Variants in SNCB observed in about 807,000 individuals in gnomAD.
The protein encoded by SNCB is beta-synuclein.
A neutral mutation model predicts 20.0 loss-of-function variants in SNCB; 8 were observed. The observed-to-expected ratio is 0.40, with a 90% CI of 0.24 to 0.72. The LOEUF is 0.72. Ranked by LOEUF, SNCB falls within the 30% of genes least tolerant of loss-of-function variation. The pLI, the probability that SNCB is intolerant of heterozygous loss-of-function variation, is 0.37. For synonymous variants in SNCB, 56 were observed against 65.4 expected (o/e 0.86, Z 0.69); for missense variants, 125 against 168.0 (o/e 0.74, Z 1.41).
At chr5:176,625,819 C>T (rs1033673804) in intron 4 of SNCB, among the ~76,000 whole-genome samples, 17 of 152,156 alleles carry the variant, frequency 1.1e-4, no homozygotes, top group African/African-American at 3.9e-4. Context: ...CTCTCTCATC[C>T]CTTGGGTGTC....
intron 4 of SNCB, among the ~76,000 whole-genome samples, chr5:176,624,828 C>G (rs1331022821): frequency 1.6e-5 from 2 of 121,972 alleles, no homozygotes; most frequent in Non-Finnish European, 3.5e-5. Flanking sequence ...CAAAAAAAAA[C>G]AAATGGGAAG....
At chr5:176,625,037 A>T (rs1292145736) in intron 4 of SNCB, among the ~76,000 whole-genome samples, 1 of 152,188 alleles carries the variant, frequency 6.6e-6, no homozygotes, top group Non-Finnish European at 1.5e-5. Flanking sequence ...AGGAGCCCCC[A>T]TCCCCATGGA....
intron 4 of SNCB, among the ~76,000 whole-genome samples, chr5:176,624,397 T>C (rs1017187890): frequency 2.0e-5 from 3 of 152,214 alleles, no homozygotes; most frequent in South Asian, 2.1e-4. Flanking sequence ...TGGTGCCACA[T>C]TGGGAAGAGT....
Position 176,620,245 on chromosome 5 carries a change from G to GT in SNCB, c.*565_*566insA. On this transcript the variant is annotated 3_prime_UTR_variant, in exon 6 of 6. Coordinates refer to ENST00000393693, the MANE Select transcript of SNCB (RefSeq NM_003085.5). This position sits in a 1 kb window ranked among gnomAD's most constrained non-coding sequence, Gnocchi z 4.5. ...TAGCTTTATTCATGGACTCTCGGGG[G>GT]CGGCCGGGCCCACCCGCCCGGGACA... 1 of 148,884 alleles carries GT rather than the reference G, an allele frequency of 6.7e-6. No homozygotes were observed. Among genetic ancestry groups the GT allele is most frequent in the Non-Finnish European group, 1.5e-5 (1 of 67,582 alleles). The allele number at this position is 148,884 out of a possible 1,614,324, so 9.2% of individuals were successfully genotyped here. A position where few individuals can be genotyped will look rare whatever the true frequency, so the allele number is the denominator to read the frequency against.
chr5:176,625,102 G>A (rs980055945), intron 4 of SNCB, among the ~76,000 whole-genome samples: 2 of 152,266 alleles, frequency 1.3e-5, no homozygotes, highest in African/African-American at 4.8e-5. Flanking sequence ...GCGAATGCCT[G>A]CACACACATG....
chr5:176,622,387 G>A (rs1759655236), intron 4 of SNCB, among the ~76,000 whole-genome samples: 1 of 152,196 alleles, frequency 6.6e-6, no homozygotes, highest in African/African-American at 2.4e-5. Context: ...CTACTTGGGA[G>A]GCTGAGGCAG....
Position 176,629,032 on chromosome 5 carries a change from G to A in SNCB, c.121+502C>T, listed in dbSNP as rs1238768623. Among the ~76,000 whole-genome samples the A allele has an allele frequency of 6.6e-6, 1 of 152,152 alleles. No individual in the cohort carries two copies. The highest frequency in any genetic ancestry group is 1.5e-5 in the Non-Finnish European group (1 of 68,020). ...GCTGGAGGGAGGCGCCACAAGGGGAGGGGTGGGGCTTCAGAATCTATAAAG... is the reference window on the plus strand; with the variant it reads ...GCTGGAGGGAGGCGCCACAAGGGGAAGGGTGGGGCTTCAGAATCTATAAAG... On this transcript the variant is annotated intron_variant, in intron 2 of 5. Transcript: ENST00000393693. This position sits in a 1 kb window ranked among gnomAD's most constrained non-coding sequence, Gnocchi z 4.1.
chr5:176,629,941 T>A lies in SNCB; in HGVS notation c.-9-278A>T. 1 of 397,616 alleles carries A rather than the reference T, an allele frequency of 2.5e-6. No homozygotes were observed. Among genetic ancestry groups the A allele is most frequent in the Non-Finnish European group, 4.6e-6 (1 of 217,040 alleles). 24.6% of individuals were successfully genotyped at this position (397,616 alleles called of 1,614,324 possible). A position where few individuals can be genotyped will look rare whatever the true frequency, so the allele number is the denominator to read the frequency against. On this transcript the variant is annotated intron_variant, in intron 1 of 5. Coordinates refer to ENST00000393693, the MANE Select transcript of SNCB (RefSeq NM_003085.5). The surrounding 1 kb of genome is among the most constrained non-coding windows in gnomAD (Gnocchi z 4.1). ...AGCCCCGTCGAACCGGAGTGCTGGG[T>A]TCGGCGCGAATATCCAGGACCCGCC...
chr5:176,625,948 C>T (rs565546473), intron 4 of SNCB, among the ~76,000 whole-genome samples: 20 of 152,328 alleles, frequency 1.3e-4, no homozygotes, highest in Admixed American at 6.5e-4. Context: ...CCGCGGAAAG[C>T]ATCCTGCCTG....
chr5:176,623,470 T>C (rs568862441), intron 4 of SNCB, among the ~76,000 whole-genome samples: 19 of 152,140 alleles, frequency 1.2e-4, no homozygotes, highest in East Asian at 5.8e-4. Flanking sequence ...TCCTGGAGTG[T>C]AGATGTTAGG....
intron 4 of SNCB, among the ~76,000 whole-genome samples, chr5:176,622,060 C>T (rs997283999): frequency 2.6e-5 from 4 of 152,256 alleles, no homozygotes; most frequent in Admixed American, 2.0e-4. Flanking sequence ...GGCTGGCACA[C>T]GCCTGGGATC....
Position 176,620,761 on chromosome 5 carries a change from G to A in SNCB, c.*50C>T. On this transcript the variant is annotated 3_prime_UTR_variant, in exon 6 of 6. Coordinates refer to ENST00000393693, the MANE Select transcript of SNCB (RefSeq NM_003085.5). The surrounding 1 kb of genome is among the most constrained non-coding windows in gnomAD (Gnocchi z 4.5). Reference sequence around the variant, plus strand: ...GGACAGCCCTGGCTCTGGGGGGCGGGGCAGGGACAGGGACAGAATTGTGCT... The same window carrying A: ...GGACAGCCCTGGCTCTGGGGGGCGGAGCAGGGACAGGGACAGAATTGTGCT... The A allele has an allele frequency of 7.2e-7, 1 of 1,381,336 alleles. No homozygotes were observed. Among genetic ancestry groups the A allele is most frequent in the Non-Finnish European group, 1.0e-6 (1 of 965,924 alleles). The allele number at this position is 1,381,336 out of a possible 1,614,324, so 85.6% of individuals were successfully genotyped here.
rs190983780 is a variant in SNCB, at chr5:176,624,382, G to A, written c.282+2016C>T. Among the ~76,000 whole-genome samples, 720 of 152,320 alleles carry A rather than the reference G, an allele frequency of 4.7e-3. 5 individuals are homozygous for A. Among genetic ancestry groups the A allele is most frequent in the African/African-American group, 0.015 (643 of 41,568 alleles). ...AGTCTCTTCATCTGTAAAACGGGCT[G>A]GTTATGGTGCCACATTGGGAAGAGT... On this transcript the variant is annotated intron_variant, in intron 4 of 5. Coordinates refer to ENST00000393693, the MANE Select transcript of SNCB (RefSeq NM_003085.5).
At chr5:176,624,818 C>CAA (rs1202696856) in intron 4 of SNCB, among the ~76,000 whole-genome samples, 6 of 133,042 alleles carry the variant, frequency 4.5e-5, no homozygotes, top group African/African-American at 1.5e-4. Flanking sequence ...AAAAAAAAAA[C>CAA]AAAAAAAAAC....
In SNCB at chr5:176,629,568, C is replaced by T. The variant is rs765750422; in HGVS notation, c.87G>A (p.Ala29=). The T allele has an allele frequency of 6.8e-6, 11 of 1,613,560 alleles. No homozygotes were observed. In the South Asian group the frequency reaches 9.9e-5, roughly 15 times the overall value. Residue 29 remains alanine (A), a synonymous_variant, in exon 2 of 6, where the codon GCG becomes GCA. Coordinates refer to ENST00000393693, the MANE Select transcript of SNCB (RefSeq NM_003085.5). This position sits in a 1 kb window ranked among gnomAD's most constrained non-coding sequence, Gnocchi z 4.1. The part of the protein sequence containing the change: ...AEKTKQGVTE[A]AEKTKEGVLY... Reference sequence around the variant, plus strand: ...GGACGCCCTCCTTGGTCTTCTCCGCCGCCTCGGTGACCCCCTGCTTGGTTT... The same window carrying T: ...GGACGCCCTCCTTGGTCTTCTCCGCTGCCTCGGTGACCCCCTGCTTGGTTT...
chr5:176,626,705 G>A lies in SNCB; in HGVS notation c.163+15C>T. On this transcript the variant is annotated intron_variant, in intron 3 of 5. Transcript: ENST00000393693. The surrounding 1 kb of genome is among the most constrained non-coding windows in gnomAD (Gnocchi z 4.2). ...CTAAGTGAGAGAAGGGCTGGTGCCA[G>A]GGCTGGGCTAGTACCTGAAGCCACA... The A allele has an allele frequency of 6.2e-7, 1 of 1,613,906 alleles. No individual in the cohort carries two copies. Among genetic ancestry groups the A allele is most frequent in the Non-Finnish European group, 8.5e-7 (1 of 1,179,826 alleles).
Position 176,626,679 on chromosome 5 carries a change from C to A in SNCB, c.163+41G>T, listed in dbSNP as rs756613518. The A allele has an allele frequency of 2.5e-6, 4 of 1,611,178 alleles. No individual in the cohort carries two copies. The Admixed American group carries it at 6.7e-5, about 27-fold the overall frequency. The stretch of plus-strand genomic sequence containing the variant: ...CTCTGGTTCCCGGCCAGATCATCCG[C>A]CTAAGTGAGAGAAGGGCTGGTGCCA... On this transcript the variant is annotated intron_variant, in intron 3 of 5. Transcript: ENST00000393693. The surrounding 1 kb of genome is among the most constrained non-coding windows in gnomAD (Gnocchi z 4.2).
In SNCB at chr5:176,626,401, C is replaced by G; in HGVS notation, c.279G>C (p.Leu93=). 1 of 1,600,638 alleles carries G rather than the reference C, an allele frequency of 6.2e-7. No individual in the cohort carries two copies. The highest frequency in any genetic ancestry group is 8.6e-7 in the Non-Finnish European group (1 of 1,168,346). The change falls in exon 4 of 6, where the codon CTG becomes CTC. Residue 93 remains leucine (L), a synonymous_variant. Coordinates refer to ENST00000393693, the MANE Select transcript of SNCB (RefSeq NM_003085.5). This position sits in a 1 kb window ranked among gnomAD's most constrained non-coding sequence, Gnocchi z 4.2. The stretch of plus-strand genomic sequence containing the variant: ...GCGGGTCAGAAGGATCGCTTACCTT[C>G]AGATCAGTAGGGAATTCCTCCCTCT... ...LVKREEFPTD[L]KPEEVAQEAA...
In SNCB at chr5:176,629,969, T is replaced by C; in HGVS notation, c.-9-306A>G. ...GGCGCGAATATCCAGGACCCGCCTGTACACGCACGGCACAGTCACACGGTC... is the reference window on the plus strand; with the variant it reads ...GGCGCGAATATCCAGGACCCGCCTGCACACGCACGGCACAGTCACACGGTC... On this transcript the variant is annotated intron_variant, in intron 1 of 5. Coordinates refer to ENST00000393693, the MANE Select transcript of SNCB (RefSeq NM_003085.5). This position sits in a 1 kb window ranked among gnomAD's most constrained non-coding sequence, Gnocchi z 4.1. 1 of 331,056 alleles carries C rather than the reference T, an allele frequency of 3.0e-6. No individual in the cohort carries two copies. 20.5% of individuals were successfully genotyped at this position (331,056 alleles called of 1,614,324 possible).
Sources: allele counts gnomAD v4.1 joint callset (sites outside exome capture counted in the v4.1 genomes callset), GRCh38; gene constraint gnomAD v4.1.1; non-coding constraint Gnocchi (gnomAD v3.1); transcripts MANE v1.5; gene names NCBI Gene and HGNC (gene_info 2026-07-23, HGNC 2026-07-21).